Variants in NPY2R observed in about 807,000 individuals in gnomAD.
The protein encoded by NPY2R is neuropeptide Y receptor Y2, also known as neuropeptide Y receptor type 2.
In NPY2R, 17 loss-of-function variants were observed where a neutral mutation model predicts 22.3. The ratio of observed to expected loss-of-function variants is 0.76; its 90% CI spans 0.52 to 1.14. The LOEUF is 1.14. Among genes scored for constraint, NPY2R ranks in the 50% most tolerant of loss-of-function variants. NPY2R has a pLI of 0.00. For synonymous variants in NPY2R, 209 were observed against 183.4 expected (o/e 1.14, Z -1.13); for missense variants, 424 against 467.9 (o/e 0.91, Z 0.87).
At chr4:155,206,066 C>T (rs994724785), upstream of NPY2R, among the ~76,000 whole-genome samples, 1 of 152,116 alleles carries the variant, frequency 6.6e-6, no homozygotes, top group Non-Finnish European at 1.5e-5. Flanking sequence ...TGTTTTTGTG[C>T]TCTTCAAGGT....
the NPY2R span, among the ~76,000 whole-genome samples, chr4:155,188,280 C>T: frequency 2.0e-5 from 3 of 152,094 alleles, no homozygotes; most frequent in Admixed American, 1.3e-4. Context: ...AAAAGAATCA[C>T]CTGTTCTATG....
At position 155,214,344 on chromosome 4, in the gene NPY2R, A is replaced by G; in HGVS notation, c.405A>G (p.Gln135=). 6.2e-7 allele frequency: 1 copy of G among 1,614,150 alleles called. No individual in the cohort carries two copies. The highest frequency in any genetic ancestry group is 8.5e-7 in the Non-Finnish European group (1 of 1,180,026). The change falls in exon 2 of 2, where the codon CAA becomes CAG. Residue 135 remains glutamine (Q), a synonymous_variant. Coordinates refer to ENST00000329476, the MANE Select transcript of NPY2R (RefSeq NM_000910.4). ...CCTATGCCCAGGGCCTGGCAGTACA[A>G]GTATCCACAATCACCTTGACAGTAA... ...LVPYAQGLAV[Q]VSTITLTVIA... is the part of the protein sequence containing the mutation.
the NPY2R span, among the ~76,000 whole-genome samples, chr4:155,178,970 T>C: frequency 1.3e-5 from 2 of 152,202 alleles, no homozygotes; most frequent in Non-Finnish European, 2.9e-5. Flanking sequence ...ATATTCTTCA[T>C]TTTTGCTAGT....
rs2342674 is a variant in NPY2R at position 155,214,098 on chromosome 4, C to T, written c.159C>T (p.Leu53=). 5.0e-3 allele frequency: 8,018 copies of T among 1,613,992 alleles called. 356 individuals carry two copies. In the African/African-American group the frequency reaches 0.094, roughly 19 times the overall value. Reference sequence around the variant, plus strand: ...AGCTGATTGAGGTACAAGTTGTTCTCATATTGGCCTACTGCTCCATCATCT... The same window carrying T: ...AGCTGATTGAGGTACAAGTTGTTCTTATATTGGCCTACTGCTCCATCATCT... ...STKLIEVQVV[L]ILAYCSIILL... Residue 53 remains leucine (L), a synonymous_variant, in exon 2 of 2, where the codon CTC becomes CTT. Transcript: ENST00000329476.
the NPY2R span, among the ~76,000 whole-genome samples, chr4:155,180,581 G>T: frequency 6.6e-6 from 1 of 152,050 alleles, no homozygotes; most frequent in Non-Finnish European, 1.5e-5. Flanking sequence ...AAACAATACA[G>T]TTTTATCCTT....
At chr4:155,177,539 C>A in the NPY2R span, among the ~76,000 whole-genome samples, 16 of 152,266 alleles carry the variant, frequency 1.1e-4, no homozygotes, top group African/African-American at 3.4e-4. Flanking sequence ...CCCCTGCCTA[C>A]AGTTTTCCCA....
At chr4:155,207,823 G>A (rs545889290), upstream of NPY2R, 2 of 43,778 alleles carry the variant, frequency 4.6e-5, no homozygotes, top group Non-Finnish European at 7.4e-5. Context: ...TATCTGGAGA[G>A]AGAGAGAGAG....
At chr4:155,211,991 C>T (rs1299988716) in intron 1 of NPY2R, among the ~76,000 whole-genome samples, 1 of 152,196 alleles carries the variant, frequency 6.6e-6, no homozygotes, top group African/African-American at 2.4e-5. Context: ...AGCCAGAATC[C>T]CAAGGACTTG....
the NPY2R span, among the ~76,000 whole-genome samples, chr4:155,200,809 C>G: frequency 6.6e-6 from 1 of 151,984 alleles, no homozygotes; most frequent in East Asian, 1.9e-4. Flanking sequence ...ACAATGAGAA[C>G]ACATGGACAC....
the NPY2R span, among the ~76,000 whole-genome samples, chr4:155,174,484 AT>A: frequency 1.7e-3 from 176 of 106,052 alleles, no homozygotes; most frequent in Middle Eastern, 8.8e-3. Flanking sequence ...ATATATATAT[AT>A]TTTTTTTTTT....
chr4:155,198,014 A>G, the NPY2R span, among the ~76,000 whole-genome samples: 2 of 152,028 alleles, frequency 1.3e-5, no homozygotes, highest in African/African-American at 2.4e-5. Context: ...TATCACAGCA[A>G]CTATTTCTTA....
chr4:155,202,747 C>T, the NPY2R span, among the ~76,000 whole-genome samples: 2 of 152,016 alleles, frequency 1.3e-5, no homozygotes, highest in South Asian at 4.1e-4. Flanking sequence ...TTTACTTGTA[C>T]TCTTTTTAAA....
At position 155,215,308 on chromosome 4, in the gene NPY2R, G is replaced by A; in HGVS notation, c.*223G>A. On this transcript the variant is annotated 3_prime_UTR_variant, in exon 2 of 2. Transcript: ENST00000329476. ...AAATGGTTTACTTAACAGTTGGTTG[G>A]GTAGTAGGTTGCATTATGAGTAAAA... 1 of 623,212 alleles carries A rather than the reference G, an allele frequency of 1.6e-6. No individual in the cohort carries two copies. Among genetic ancestry groups the A allele is most frequent in the Admixed American group, 2.7e-5 (1 of 37,244 alleles). 38.6% of individuals were successfully genotyped at this position (623,212 alleles called of 1,614,324 possible). A position where few individuals can be genotyped will look rare whatever the true frequency, so the allele number is the denominator to read the frequency against.
chr4:155,214,332 C>T lies in NPY2R; in HGVS notation c.393C>T (p.Gly131=), dbSNP rs141417330. 9 of 1,614,034 alleles carry T rather than the reference C, an allele frequency of 5.6e-6. No homozygotes were observed. The highest frequency in any genetic ancestry group is 1.6e-4 in the Middle Eastern group (1 of 6,084). Residue 131 remains glycine, a synonymous_variant, in exon 2 of 2, where the codon GGC becomes GGT. Coordinates refer to ENST00000329476, the MANE Select transcript of NPY2R (RefSeq NM_000910.4). ...GCCACCTGGTGCCCTATGCCCAGGG[C>T]CTGGCAGTACAAGTATCCACAATCA... ...VLCHLVPYAQ[G]LAVQVSTITL... is the part of the protein sequence containing the mutation.
the NPY2R span, among the ~76,000 whole-genome samples, chr4:155,203,451 A>G: frequency 1.3e-5 from 2 of 152,192 alleles, no homozygotes; most frequent in African/African-American, 2.4e-5. Flanking sequence ...TAGATTGACT[A>G]GTTTTTCAAA....
At chr4:155,186,679 G>A in the NPY2R span, among the ~76,000 whole-genome samples, 1 of 152,088 alleles carries the variant, frequency 6.6e-6, no homozygotes, top group Non-Finnish European at 1.5e-5. Context: ...ATGATACACA[G>A]TAGATCTTTA....
Position 155,215,645 on chromosome 4 carries a change from G to T in NPY2R, c.*560G>T. 1 of 174,312 alleles carries T rather than the reference G, an allele frequency of 5.7e-6. No individual in the cohort carries two copies. Among genetic ancestry groups the T allele is most frequent in the Non-Finnish European group, 1.4e-5 (1 of 72,042 alleles). The allele number at this position is 174,312 out of a possible 1,614,324, so 10.8% of individuals were successfully genotyped here. Reference sequence around the variant, plus strand: ...CCAACTATACGAATGGCTTCGAGGAGATAAACTGAAATTTGCTATATAATT... The same window carrying T: ...CCAACTATACGAATGGCTTCGAGGATATAAACTGAAATTTGCTATATAATT... On this transcript the variant is annotated 3_prime_UTR_variant, in exon 2 of 2. Coordinates refer to ENST00000329476, the MANE Select transcript of NPY2R (RefSeq NM_000910.4).
At chr4:155,191,952 A>G in the NPY2R span, among the ~76,000 whole-genome samples, 1 of 151,910 alleles carries the variant, frequency 6.6e-6, no homozygotes, top group African/African-American at 2.4e-5. Flanking sequence ...TCTAAAAATC[A>G]TTTATGTTTG....
At chr4:155,195,282 T>C in the NPY2R span, among the ~76,000 whole-genome samples, 1 of 151,928 alleles carries the variant, frequency 6.6e-6, no homozygotes, top group South Asian at 2.1e-4. Flanking sequence ...CCTTTATTTA[T>C]TGGCATATTT....
Sources: allele counts gnomAD v4.1 joint callset (sites outside exome capture counted in the v4.1 genomes callset), GRCh38; gene constraint gnomAD v4.1.1; transcripts MANE v1.5; gene names NCBI Gene and HGNC (gene_info 2026-07-23, HGNC 2026-07-21).